Variants in ANKAR observed in about 807,000 individuals in gnomAD.
ANKAR encodes ankyrin and armadillo repeat containing.
A neutral mutation model predicts 146.2 loss-of-function variants in ANKAR; 136 were observed. That is an observed-to-expected ratio of 0.93 (90% CI 0.81 to 1.07). ANKAR has a LOEUF of 1.07. Ranked by LOEUF, ANKAR falls within the 50% of genes least tolerant of loss-of-function variation. The pLI is 0.00. For missense variants in ANKAR, 1,567 were observed against 1,679.9 expected (o/e 0.93, Z 1.18); for synonymous variants, 500 against 575.8 (o/e 0.87, Z 1.88).
intron 12 of ANKAR, 39 bp from the exon 13 acceptor site, chr2:189,727,817 C>T (rs749958728): frequency 3.2e-6 from 5 of 1,584,532 alleles, no homozygotes; most frequent in East Asian, 4.5e-5. Flanking sequence ...TCTTATTTTT[C>T]ATAAGGTTTA....
chr2:189,742,961 CACACACACACACACACACA>C (rs1559147907), intron 20 of ANKAR, among the ~76,000 whole-genome samples: 18 of 143,628 alleles, frequency 1.3e-4, no homozygotes, highest in African/African-American at 3.1e-4. Flanking sequence ...CACACACACA[CACACACACACACACACACA>C]CCCCTGAAAG....
At chr2:189,720,936 AATTT>A (rs1020681498) in intron 12 of ANKAR, 149 bp downstream of exon 12, 33 of 552,688 alleles carry the variant, frequency 6.0e-5, no homozygotes, top group African/African-American at 4.1e-4. Flanking sequence ...TCCAAAACAC[AATTT>A]ATTTATTTTT....
At chr2:189,743,979 A>G (rs1488049899) in intron 21 of ANKAR, among the ~76,000 whole-genome samples, 1 of 152,190 alleles carries the variant, frequency 6.6e-6, no homozygotes, top group African/African-American at 2.4e-5. Context: ...GTTTCATCAC[A>G]AACTTAACTC....
chr2:189,731,012 G>C (rs1264702800), intron 16 of ANKAR, among the ~76,000 whole-genome samples: 1 of 152,184 alleles, frequency 6.6e-6, no homozygotes, highest in African/African-American at 2.4e-5. Context: ...AAATATTAGT[G>C]AATCTTGTCA....
intron 7 of ANKAR, among the ~76,000 whole-genome samples, chr2:189,700,237 A>G (rs1005826548): frequency 6.6e-6 from 1 of 152,200 alleles, no homozygotes; most frequent in African/African-American, 2.4e-5. Context: ...TACAGGTTAC[A>G]GAATTCTAGA....
chr2:189,721,338 G>A (rs574333822), intron 12 of ANKAR, among the ~76,000 whole-genome samples: 15 of 152,120 alleles, frequency 9.9e-5, no homozygotes, highest in East Asian at 1.9e-4. Flanking sequence ...GACTCTCAAA[G>A]GCATATTCTT....
Position 189,693,130 on chromosome 2 carries a change from A to T in ANKAR, c.1260A>T (p.Gly420=). Residue 420 remains glycine, a synonymous_variant, in exon 5 of 23, where the codon GGA becomes GGT. Coordinates refer to ENST00000684021, the MANE Select transcript of ANKAR (RefSeq NM_001378068.1). ...CTAATACATTTATAGAAGATTCAGGATATAAAGAATATTACTCAATACCAG... is the reference window on the plus strand; with the variant it reads ...CTAATACATTTATAGAAGATTCAGGTTATAAAGAATATTACTCAATACCAG... ...CAANTFIEDS[G]YKEYYSIPVM... is the part of the protein sequence containing the mutation. 6.4e-7 allele frequency: 1 copy of T among 1,560,884 alleles called. No individual in the cohort carries two copies. Among genetic ancestry groups the T allele is most frequent in the Admixed American group, 2.1e-5 (1 of 48,678 alleles).
chr2:189,761,352 G>A, downstream of ANKAR: 3 of 1,513,814 alleles, frequency 2.0e-6, no homozygotes, highest in Non-Finnish European at 2.7e-6. Context: ...TTTTATATAT[G>A]ACAAATACAA....
downstream of ANKAR, chr2:189,762,873 A>G (rs1443386478): frequency 1.5e-5 from 15 of 985,328 alleles, no homozygotes; most frequent in Non-Finnish European, 1.8e-5. Flanking sequence ...AGAAAAGCTT[A>G]AAGGCCGTCT....
At chr2:189,752,540 C>T (rs777275386) in intron 18 of ANKAR, 80 of 974,870 alleles carry the variant, frequency 8.2e-5, no homozygotes, top group Non-Finnish European at 1.2e-4. Flanking sequence ...ATTTATGTAA[C>T]TTTCCTTCAA....
At chr2:189,742,902 C>CA (rs1559147476) in intron 20 of ANKAR, among the ~76,000 whole-genome samples, 1 of 22,190 alleles carries the variant, frequency 4.5e-5, no homozygotes, top group African/African-American at 1.4e-4. Flanking sequence ...ACTAGAATTA[C>CA]CTGACACACA....
At chr2:189,729,746 G>T (rs563650675) in intron 15 of ANKAR, among the ~76,000 whole-genome samples, 99 of 115,840 alleles carry the variant, frequency 8.5e-4, no homozygotes, top group Non-Finnish European at 1.1e-3. Context: ...GGGGACAAAG[G>T]TGTTCTTTTT....
chr2:189,744,191 T>C (rs2043739534), intron 21 of ANKAR, among the ~76,000 whole-genome samples: 1 of 152,210 alleles, frequency 6.6e-6, no homozygotes, highest in Non-Finnish European at 1.5e-5. Context: ...CAAACATAGA[T>C]TCTACATCAA....
intron 2 of ANKAR, among the ~76,000 whole-genome samples, chr2:189,682,124 A>G (rs2034798239): frequency 6.6e-6 from 1 of 152,152 alleles, no homozygotes; most frequent in Non-Finnish European, 1.5e-5. Context: ...CTCCTGGCCA[A>G]TCAAAGATGA....
At chr2:189,708,015 TCTC>T (rs1271360476) in intron 9 of ANKAR, among the ~76,000 whole-genome samples, 1 of 151,972 alleles carries the variant, frequency 6.6e-6, no homozygotes, top group Non-Finnish European at 1.5e-5. Context: ...AGGCTAGAAT[TCTC>T]CTTCAGAAAT....
chr2:189,692,676 C>A, intron 4 of ANKAR: 1 of 333,362 alleles, frequency 3.0e-6, no homozygotes, highest in South Asian at 4.8e-5. Context: ...TTAAAGACTT[C>A]TAATGGACTA....
intron 2 of ANKAR, among the ~76,000 whole-genome samples, chr2:189,688,551 G>A (rs996337854): frequency 6.6e-6 from 1 of 152,068 alleles, no homozygotes; most frequent in African/African-American, 2.4e-5. Context: ...TCTTATAAAG[G>A]GTTACAGTCT....
At chr2:189,699,089 AC>A (rs1340800259) in intron 7 of ANKAR, among the ~76,000 whole-genome samples, 2 of 152,204 alleles carry the variant, frequency 1.3e-5, no homozygotes, top group Non-Finnish European at 2.9e-5. Context: ...GTTTCCTAAC[AC>A]CCAGAAAAAC....
chr2:189,750,599 T>G (rs1168281431), downstream of ANKAR: 3 of 1,586,698 alleles, frequency 1.9e-6, no homozygotes, highest in Non-Finnish European at 8.6e-7. Context: ...TTTTTAATTG[T>G]GGTACTTTTA....
Sources: gnomAD v4.1 joint callset for allele counts (sites outside exome capture counted in the v4.1 genomes callset) on GRCh38, gnomAD v4.1.1 for gene constraint, MANE v1.5 for transcripts, NCBI Gene and HGNC (gene_info 2026-07-23, HGNC 2026-07-21) for gene names.